Variants in RUFY4 observed in about 807,000 individuals in gnomAD.
RUFY4 encodes RUN and FYVE domain containing 4, also known as RUN and FYVE domain-containing protein 4.
Under a neutral mutation model 69.0 loss-of-function variants are expected in RUFY4, and 73 were observed. The observed-to-expected ratio is 1.06, with a 90% CI of 0.88 to 1.29. RUFY4 has a LOEUF of 1.29. Ranked by LOEUF, RUFY4 falls within the 50% of genes most tolerant of loss-of-function variation. The pLI, the probability that RUFY4 is intolerant of heterozygous loss-of-function variation, is 0.00. For synonymous variants in RUFY4, 287 were observed against 271.8 expected, an observed-to-expected ratio of 1.06 and a Z score of -0.55; for missense variants, 770 against 705.6, an observed-to-expected ratio of 1.09 and a Z score of -1.03.
At chr2:218,084,716 A>G (rs1274001506) in intron 9 of RUFY4, among the ~76,000 whole-genome samples, 1 of 152,146 alleles carries the variant, frequency 6.6e-6, no homozygotes, top group Non-Finnish European at 1.5e-5. Context: ...ACAATAAAAG[A>G]CATATATATA....
rs551370377 is a variant in RUFY4, at chr2:218,072,961, A to C, written c.386+76A>C. 8.1e-4 allele frequency: 970 copies of C among 1,194,704 alleles called. 14 individuals are homozygous for C. In the South Asian group the frequency reaches 9.8e-3, roughly 12 times the overall value. The allele number at this position is 1,194,704 out of a possible 1,614,324, so 74.0% of individuals were successfully genotyped here. ...TCCTTTGTAAAAGAGCCCTCCTTTA[A>C]CCCCCACAGATGGCTTTCTATCAAG... On this transcript the variant is annotated intron_variant, in intron 4 of 10. Transcript: ENST00000344321.
chr2:218,078,456 C>T (rs1214909996), intron 8 of RUFY4, among the ~76,000 whole-genome samples: 1 of 152,002 alleles, frequency 6.6e-6, no homozygotes, highest in African/African-American at 2.4e-5. Flanking sequence ...CTTCCGGGCC[C>T]CAGTAGAGTG....
chr2:218,072,544 A>T (rs1332954201), intron 3 of RUFY4, 45 bp downstream of exon 5: 2 of 1,531,044 alleles, frequency 1.3e-6, no homozygotes, highest in East Asian at 4.9e-5. Context: ...GTGGGGGTAG[A>T]CATAGGCCTC....
intron 2 of RUFY4, among the ~76,000 whole-genome samples, chr2:218,056,101 C>T (rs141748172): frequency 2.4e-3 from 366 of 152,300 alleles, no homozygotes; most frequent in Non-Finnish European, 3.8e-3. Flanking sequence ...ATTCAGCTCA[C>T]TCACGGAATG....
Position 218,084,484 on chromosome 2 carries a change from G to A in RUFY4, c.1502+1228G>A, listed in dbSNP as rs186095235. ...TGACCACAAGCAATCCACCCAGCTCGGCCTCCCAAAGTGCTAGTATTTCAG... is the reference window on the plus strand; with the variant it reads ...TGACCACAAGCAATCCACCCAGCTCAGCCTCCCAAAGTGCTAGTATTTCAG... On this transcript the variant is annotated intron_variant, in intron 9 of 10. Transcript: ENST00000344321. 9.0e-4 allele frequency among the ~76,000 whole-genome samples: 137 copies of A among 152,044 alleles called. 1 individual carries two copies. Among genetic ancestry groups the A allele is most frequent in the Admixed American group, 2.4e-3 (37 of 15,266 alleles).
At chr2:218,039,678 G>T (rs1050169764) in intron 2 of RUFY4, among the ~76,000 whole-genome samples, 4 of 152,160 alleles carry the variant, frequency 2.6e-5, no homozygotes, top group African/African-American at 4.8e-5. Context: ...TTACTGAGAT[G>T]GGGGGAGCAG....
chr2:218,067,158 C>T (rs796721139), upstream of RUFY4, among the ~76,000 whole-genome samples: 2 of 152,356 alleles, frequency 1.3e-5, no homozygotes, highest in African/African-American at 4.8e-5. Context: ...CCAAGTTAGT[C>T]GTGGCCCCAC....
At chr2:218,072,576 C>A (rs1424513617) in intron 3 of RUFY4, 77 bp downstream of exon 5, 2 of 1,508,942 alleles carry the variant, frequency 1.3e-6, no homozygotes, top group African/African-American at 1.4e-5. Flanking sequence ...CCACCCTGCT[C>A]TACCGACCAT....
intron 2 of RUFY4, among the ~76,000 whole-genome samples, chr2:218,044,184 G>T (rs774306449): frequency 6.6e-6 from 1 of 152,318 alleles, no homozygotes; most frequent in Admixed American, 6.5e-5. Flanking sequence ...GCACCCAGGG[G>T]TGGGGCTCCT....
At chr2:218,036,871 A>G (rs1177051637) in intron 2 of RUFY4, among the ~76,000 whole-genome samples, 1 of 152,240 alleles carries the variant, frequency 6.6e-6, no homozygotes, top group African/African-American at 2.4e-5. Flanking sequence ...CACATCAGGC[A>G]TGAAGGTTTT....
intron 8 of RUFY4, among the ~76,000 whole-genome samples, chr2:218,079,946 C>A (rs1050062018): frequency 6.6e-6 from 1 of 152,094 alleles, no homozygotes; most frequent in African/African-American, 2.4e-5. Flanking sequence ...GGGAAGGGCG[C>A]GGAGAAAGAC....
chr2:218,075,815 T>TCCCAGGCTACCATTGC, intron 7 of RUFY4, 75 bp downstream of exon 9: 2 of 1,328,970 alleles, frequency 1.5e-6, no homozygotes, highest in Non-Finnish European at 2.0e-6. Flanking sequence ...TCTGCAATGG[T>TCCCAGGCTACCATTGC]AGCCTGGGAC....
chr2:218,077,883 C>G (rs1395820117), intron 8 of RUFY4, among the ~76,000 whole-genome samples: 3 of 152,246 alleles, frequency 2.0e-5, no homozygotes, highest in African/African-American at 7.2e-5. Flanking sequence ...GTTCTGGCCA[C>G]ACAAGAGTCT....
intron 2 of RUFY4, 30 bp downstream of exon 4, chr2:218,070,889 C>G (rs772306384): frequency 2.9e-5 from 43 of 1,490,760 alleles, no homozygotes; most frequent in Middle Eastern, 1.9e-4. Flanking sequence ...TTCCCCATCC[C>G]TCTCCCCAGA....
chr2:218,072,273 G>T, intron 2 of RUFY4, 101 bp from the exon 5 acceptor site: 1 of 1,409,090 alleles, frequency 7.1e-7, no homozygotes, highest in South Asian at 1.4e-5. Flanking sequence ...GTGTCTGCAG[G>T]AGCCCTCTCC....
exon 8 of RUFY4, chr2:218,076,498 G>A (rs745528915): frequency 4.0e-5 from 62 of 1,551,096 alleles, no homozygotes; most frequent in Admixed American, 1.2e-4. Context: ...GGGAGCAGGA[G>A]GGGGAGCTGC....
Position 218,036,916 on chromosome 2 carries a change from C to T in RUFY4, c.-1158+1522C>T, listed in dbSNP as rs146404335. Among the ~76,000 whole-genome samples, 132 of 152,336 alleles carry T rather than the reference C, an allele frequency of 8.7e-4. 1 individual carries two copies. Among genetic ancestry groups the T allele is most frequent in the African/African-American group, 3.0e-3 (123 of 41,578 alleles). On this transcript the variant is annotated intron_variant and NMD_transcript_variant, in intron 2 of 13. Coordinates refer to the RUFY4 transcript ENST00000457754. ...TGTACACTAAGTTGCCCAGCTCCAG[C>T]TTATAAGGCTTCAGGAACAGAGCAG...
intron 3 of RUFY4, chr2:218,060,731 A>G (rs1360612977): frequency 3.5e-6 from 5 of 1,424,412 alleles, no homozygotes; most frequent in East Asian, 2.3e-5. Flanking sequence ...GTGAATCTGT[A>G]GCAGAACAGC....
chr2:218,077,196 C>T (rs528403769), intron 8 of RUFY4, among the ~76,000 whole-genome samples: 1 of 152,258 alleles, frequency 6.6e-6, no homozygotes, highest in South Asian at 2.1e-4. Flanking sequence ...GCTCAGACGC[C>T]CCATTCAGGC....
Sources: allele counts gnomAD v4.1 joint callset (sites outside exome capture counted in the v4.1 genomes callset), GRCh38; gene constraint gnomAD v4.1.1; transcripts MANE v1.5; gene names NCBI Gene and HGNC (gene_info 2026-07-23, HGNC 2026-07-21).